Variants in OAT observed in about 807,000 individuals in gnomAD.
OAT encodes ornithine aminotransferase, also known as ornithine aminotransferase, mitochondrial.
Under a neutral mutation model 48.4 loss-of-function variants are expected in OAT, and 35 were observed. The observed-to-expected ratio is 0.72, with a 90% CI of 0.55 to 0.96. The LOEUF (loss-of-function observed/expected upper bound fraction) is 0.96, where lower values mean the gene tolerates loss of function less well. OAT is among the 40% of genes least tolerant of loss of function. The pLI is 0.00. For synonymous variants in OAT, 182 were observed against 198.4 expected, an observed-to-expected ratio of 0.92 and a Z score of 0.70; for missense variants, 438 against 537.9, an observed-to-expected ratio of 0.81 and a Z score of 1.84.
At chr10:124,408,150 C>T (rs533075512) in intron 4 of OAT, among the ~76,000 whole-genome samples, 2 of 151,868 alleles carry the variant, frequency 1.3e-5, no homozygotes, top group East Asian at 1.9e-4. Context: ...AAGAGGAAAT[C>T]CCTCATAAAT....
At chr10:124,416,532 G>A (rs754472354) in intron 1 of OAT, among the ~76,000 whole-genome samples, 9 of 152,112 alleles carry the variant, frequency 5.9e-5, no homozygotes, top group Non-Finnish European at 1.3e-4. Context: ...CTCAGGTCCT[G>A]GAAATGAGAA....
intron 4 of OAT, among the ~76,000 whole-genome samples, chr10:124,407,984 C>A (rs1951630722): frequency 6.6e-6 from 1 of 152,034 alleles, no homozygotes; most frequent in Non-Finnish European, 1.5e-5. Context: ...CATGGCCCCA[C>A]ACTAACTTCA....
intron 2 of OAT, among the ~76,000 whole-genome samples, chr10:124,411,506 A>G (rs755044424): frequency 2.6e-5 from 4 of 152,186 alleles, no homozygotes; most frequent in African/African-American, 4.8e-5. Flanking sequence ...CTAACACAGC[A>G]GCACTAGACA....
rs1564742697 is a variant in OAT, at chr10:124,415,074, T to TGTGTCGCTAAAAAAAA, written c.-29-2875_-29-2874insTTTTTTTTAGCGACAC. The TGTGTCGCTAAAAAAAA allele has an allele frequency of 1.7e-3, 29 of 16,858 alleles. 11 individuals carry two copies. The highest frequency in any genetic ancestry group is 0.013 in the East Asian group (7 of 530). 1.0% of individuals were successfully genotyped at this position (16,858 alleles called of 1,614,324 possible). ...CACTCCAGCCTGGGCTACAAAGCGC[T>TGTGTCGCTAAAAAAAA]AAAAAAAAAAAAAAAAAAAAAAAAA... is the stretch of plus-strand genomic sequence containing the variant. On this transcript the variant is annotated intron_variant, in intron 1 of 9. Transcript: ENST00000368845.
At chr10:124,409,837 T>C (rs575134606) in intron 2 of OAT, among the ~76,000 whole-genome samples, 1 of 152,192 alleles carries the variant, frequency 6.6e-6, no homozygotes, top group South Asian at 2.1e-4. Context: ...TCACTAATCA[T>C]TAGGAAAATG....
At chr10:124,416,617 C>G (rs1201766539) in intron 1 of OAT, among the ~76,000 whole-genome samples, 2 of 152,180 alleles carry the variant, frequency 1.3e-5, no homozygotes, top group African/African-American at 4.8e-5. Flanking sequence ...CTTCAGGCTA[C>G]CATTACTCCC....
At chr10:124,400,446 T>TAAAAA (rs56370450) in intron 9 of OAT, among the ~76,000 whole-genome samples, 1 of 103,848 alleles carries the variant, frequency 9.6e-6, no homozygotes, top group Non-Finnish European at 2.0e-5. Flanking sequence ...GACTCCATCT[T>TAAAAA]AAAAAAAAAA....
intron 5 of OAT, 106 bp from the exon 6 acceptor site, chr10:124,404,026 T>C: frequency 1.5e-6 from 2 of 1,362,824 alleles, no homozygotes; most frequent in Non-Finnish European, 2.1e-6. Flanking sequence ...AAATCAAGTT[T>C]TCGCACTAAC....
intron 7 of OAT, among the ~76,000 whole-genome samples, chr10:124,402,447 T>C (rs1239863035): frequency 6.6e-6 from 1 of 152,248 alleles, no homozygotes; most frequent in Non-Finnish European, 1.5e-5. Flanking sequence ...AAGCTGAGCA[T>C]TCTTTTTAGC....
chr10:124,401,681 C>G (rs749446614), intron 8 of OAT, 45 bp downstream of exon 8: 1 of 1,295,266 alleles, frequency 7.7e-7, no homozygotes, highest in East Asian at 2.3e-5. Flanking sequence ...ATCACTTCAA[C>G]ATTGCTTTAA....
At chr10:124,412,507 C>T (rs529419334) in intron 1 of OAT, among the ~76,000 whole-genome samples, 1 of 150,788 alleles carries the variant, frequency 6.6e-6, no homozygotes, top group South Asian at 2.1e-4. Context: ...AAGGCCCAGT[C>T]TCAAGAAAAA....
intron 2 of OAT, among the ~76,000 whole-genome samples, chr10:124,410,864 G>A (rs147499043): frequency 1.2e-4 from 19 of 152,156 alleles, no homozygotes; most frequent in African/African-American, 4.6e-4. Flanking sequence ...CATGTGGCGG[G>A]GCGCGGTGGC....
chr10:124,409,016 A>T, intron 2 of OAT, 51 bp from the exon 3 acceptor site: 1 of 1,433,286 alleles, frequency 7.0e-7, no homozygotes, highest in Non-Finnish European at 9.7e-7. Flanking sequence ...TATACGGCAT[A>T]AAGTCCAAAA....
rs138721331 is a variant in OAT at position 124,400,625 on chromosome 10, C to T, written c.1159+215G>A. 0.092 allele frequency among the ~76,000 whole-genome samples: 13,897 copies of T among 151,460 alleles called. 761 individuals are homozygous for T. The highest frequency in any genetic ancestry group is 0.13 in the Non-Finnish European group (8,557 of 67,878). On this transcript the variant is annotated intron_variant, in intron 9 of 9. Transcript: ENST00000368845. ...AAGATTAGCTGGGCGTGGTGACAGG[C>T]GCCTGTAATCCCAGCTACTCAGGAG...
chr10:124,408,375 G>T (rs1209280184), intron 4 of OAT, among the ~76,000 whole-genome samples, 167 bp downstream of exon 4: 1 of 133,208 alleles, frequency 7.5e-6, no homozygotes, highest in African/African-American at 2.8e-5. Context: ...TAGAGACAGG[G>T]TCTCCCTATG....
chr10:124,416,591 C>T lies in OAT; in HGVS notation c.-30+2282G>A, dbSNP rs933719954. Among the ~76,000 whole-genome samples, 8 of 152,158 alleles carry T rather than the reference C, an allele frequency of 5.3e-5. No individual in the cohort carries two copies. The South Asian group carries it at 1.0e-3, about 20-fold the overall frequency. On this transcript the variant is annotated intron_variant, in intron 1 of 9. Transcript: ENST00000368845. ...ATTCTAACACTGAAGGTTTTATCCA[C>T]GTAATTAACAGGGTCCTTCAGGCTA...
intron 5 of OAT, 70 bp from the exon 6 acceptor site, chr10:124,403,990 C>G: frequency 6.3e-7 from 1 of 1,576,164 alleles, no homozygotes; most frequent in South Asian, 1.1e-5. Context: ...AAAGCATATA[C>G]CACACATATT....
At chr10:124,414,567 AG>A (rs1361840934) in intron 1 of OAT, 2 of 152,224 alleles carry the variant, frequency 1.3e-5, no homozygotes. Flanking sequence ...ATCCAACTGG[AG>A]GTAGCTGCTA....
At chr10:124,406,768 C>T (rs962290753) in intron 4 of OAT, among the ~76,000 whole-genome samples, 1 of 135,182 alleles carries the variant, frequency 7.4e-6, no homozygotes, top group African/African-American at 2.8e-5. Context: ...GTGAGCCAGA[C>T]TGCAGACTAG....
Sources: allele counts gnomAD v4.1 joint callset (sites outside exome capture counted in the v4.1 genomes callset), GRCh38; gene constraint gnomAD v4.1.1; transcripts MANE v1.5; gene names NCBI Gene and HGNC (gene_info 2026-07-23, HGNC 2026-07-21).